The following C1orf105 variants were observed in gnomAD, a reference collection of about 807,000 sequenced individuals.
C1orf105 encodes the protein uncharacterized protein C1orf105.
C1orf105 carries 17 observed loss-of-function variants against 20.8 expected under a neutral mutation model. The observed-to-expected ratio is 0.82, with a 90% CI of 0.56 to 1.23. The LOEUF (loss-of-function observed/expected upper bound fraction) is 1.23. Among genes scored for constraint, C1orf105 ranks in the 50% most tolerant of loss-of-function variants. The pLI, the probability that C1orf105 is intolerant of heterozygous loss-of-function variation, is 0.00. For synonymous variants in C1orf105, 72 were observed against 72.1 expected, an observed-to-expected ratio of 1.00 and a Z score of 0.01; for missense variants, 219 against 213.5, an observed-to-expected ratio of 1.03 and a Z score of -0.16.
At chr1:172,430,371 G>C (rs2071837829) in intron 1 of C1orf105, 1 of 687,548 alleles carries the variant, frequency 1.5e-6, no homozygotes, top group Non-Finnish European at 2.6e-6. Context: ...CAGCAGTTAA[G>C]GGCTCTGGAT....
At chr1:172,465,942 T>C (rs1240459175) in intron 6 of C1orf105, among the ~76,000 whole-genome samples, 1 of 152,202 alleles carries the variant, frequency 6.6e-6, no homozygotes, top group Non-Finnish European at 1.5e-5. Context: ...GAGCCATTAT[T>C]TGGGGTAATA....
At chr1:172,453,898 G>T (rs543920186) in intron 3 of C1orf105, among the ~76,000 whole-genome samples, 1 of 152,272 alleles carries the variant, frequency 6.6e-6, no homozygotes, top group South Asian at 2.1e-4. Flanking sequence ...AAGGCCAGGT[G>T]GGACAATATA....
At chr1:172,464,192 G>A (rs1251988600) in intron 5 of C1orf105, among the ~76,000 whole-genome samples, 1 of 152,216 alleles carries the variant, frequency 6.6e-6, no homozygotes, top group East Asian at 1.9e-4. Context: ...TTGTTGAATT[G>A]TAGAATAGAC....
intron 3 of C1orf105, among the ~76,000 whole-genome samples, chr1:172,452,206 G>A (rs1648730180): frequency 6.6e-6 from 1 of 152,072 alleles, no homozygotes; most frequent in African/African-American, 2.4e-5. Flanking sequence ...CTTCCCCTGA[G>A]GAAACATAAT....
intron 1 of C1orf105, among the ~76,000 whole-genome samples, chr1:172,440,708 G>C (rs1461527136): frequency 3.9e-5 from 6 of 152,110 alleles, no homozygotes; most frequent in Non-Finnish European, 5.9e-5. Flanking sequence ...TTGTGCCCAT[G>C]CTAAGGACAG....
intron 6 of C1orf105, among the ~76,000 whole-genome samples, chr1:172,468,112 A>G (rs1650191737): frequency 6.6e-6 from 1 of 152,096 alleles, no homozygotes; most frequent in African/African-American, 2.4e-5. Flanking sequence ...AACACCAGAC[A>G]TGTTTTATCT....
Position 172,433,801 on chromosome 1 carries a change from A to G in C1orf105, c.22-11272A>G, listed in dbSNP as rs1342154977. Among the ~76,000 whole-genome samples, 4 of 152,372 alleles carry G rather than the reference A, an allele frequency of 2.6e-5. No individual in the cohort carries two copies. In the South Asian group the frequency reaches 6.2e-4, roughly 24 times the overall value. On this transcript the variant is annotated intron_variant, in intron 1 of 6. Coordinates refer to ENST00000367727, the MANE Select transcript of C1orf105 (RefSeq NM_139240.4). Reference sequence around the variant, plus strand: ...TCTAAATGCCCCAATTAAAAGACACAGACTGGCAAATTGGATAAAGAGTCA... The same window carrying G: ...TCTAAATGCCCCAATTAAAAGACACGGACTGGCAAATTGGATAAAGAGTCA...
intron 1 of C1orf105, chr1:172,428,880 C>T (rs536400545): frequency 7.3e-5 from 49 of 674,772 alleles, no homozygotes; most frequent in African/African-American, 6.7e-4. Flanking sequence ...AAGCCACACA[C>T]TATAAAAATC....
chr1:172,464,005 AC>A (rs1649872337), intron 5 of C1orf105, among the ~76,000 whole-genome samples: 1 of 152,226 alleles, frequency 6.6e-6, no homozygotes, highest in South Asian at 2.1e-4. Flanking sequence ...CTGTTTTCAT[AC>A]TTTTTAAGTA....
chr1:172,456,709 T>C (rs1245371524), intron 4 of C1orf105, among the ~76,000 whole-genome samples: 1 of 152,178 alleles, frequency 6.6e-6, no homozygotes, highest in Admixed American at 6.5e-5. Context: ...CCAGGATAGA[T>C]GGGCCAGAGT....
At chr1:172,434,819 T>C (rs1293861593) in intron 1 of C1orf105, among the ~76,000 whole-genome samples, 4 of 152,188 alleles carry the variant, frequency 2.6e-5, no homozygotes, top group African/African-American at 4.8e-5. Context: ...AGCTGGTTTT[T>C]TGAAAAGATC....
At chr1:172,436,296 TA>T (rs1192117015) in intron 1 of C1orf105, among the ~76,000 whole-genome samples, 1 of 151,984 alleles carries the variant, frequency 6.6e-6, no homozygotes, top group Non-Finnish European at 1.5e-5. Context: ...CAATCCTAAG[TA>T]AAAAGAACAA....
At chr1:172,464,800 A>T (rs1350363437) in intron 5 of C1orf105, among the ~76,000 whole-genome samples, 1 of 152,234 alleles carries the variant, frequency 6.6e-6, no homozygotes, top group African/African-American at 2.4e-5. Context: ...GAGAATTAGT[A>T]GTCCTTGGAT....
intron 1 of C1orf105, among the ~76,000 whole-genome samples, chr1:172,429,229 C>T (rs1295954466): frequency 1.0e-3 from 4 of 3,970 alleles, no homozygotes; most frequent in Admixed American, 5.6e-3. Context: ...AATATACACA[C>T]ACACACACAC....
At position 172,430,374 on chromosome 1, in the gene C1orf105, C is replaced by T. The variant is rs1165150739; in HGVS notation, c.21+9468C>T. The T allele has an allele frequency of 3.5e-5, 23 of 657,556 alleles. No homozygotes were observed. The East Asian group carries it at 6.0e-4, about 17-fold the overall frequency. 40.7% of individuals were successfully genotyped at this position (657,556 alleles called of 1,614,324 possible). On this transcript the variant is annotated intron_variant, in intron 1 of 6. Coordinates refer to ENST00000367727, the MANE Select transcript of C1orf105 (RefSeq NM_139240.4). ...TCCTTCTGATGGCAGCAGTTAAGGG[C>T]TCTGGATTGCTTGACATTTTCTTAA...
intron 1 of C1orf105, among the ~76,000 whole-genome samples, chr1:172,434,211 C>G (rs926008857): frequency 1.3e-5 from 2 of 152,182 alleles, no homozygotes; most frequent in Non-Finnish European, 2.9e-5. Context: ...AAAATGTTAA[C>G]AAGGATAACC....
chr1:172,452,887 G>A, intron 3 of C1orf105: 1 of 1,478,968 alleles, frequency 6.8e-7, no homozygotes. Context: ...ATTGTACTGT[G>A]AATGTGGACA....
intron 1 of C1orf105, chr1:172,430,464 C>A (rs1431482821): frequency 1.0e-5 from 6 of 587,964 alleles, no homozygotes; most frequent in Non-Finnish European, 1.8e-5. Flanking sequence ...ATTTTTGAGA[C>A]AGGGTCTTGC....
At position 172,468,594 on chromosome 1, in the gene C1orf105, A is replaced by G. The variant is rs1363440277; in HGVS notation, c.552A>G (p.Ter184TrpextTer39). ...KEPIGKTTRQ[*>W] is the part of the protein sequence containing the mutation. Reference sequence around the variant, plus strand: ...CAATAGGCAAGACAACGAGGCAGTGAGCGGTAGGAGCTCATCACCTCCCAG... The same window carrying G: ...CAATAGGCAAGACAACGAGGCAGTGGGCGGTAGGAGCTCATCACCTCCCAG... The change falls in exon 7 of 7, where the codon TGA (stop) becomes TGG (tryptophan). Residue 184 changes from the stop codon to tryptophan (W), a stop_lost. Coordinates refer to ENST00000367727, the MANE Select transcript of C1orf105 (RefSeq NM_139240.4). 1.2e-5 allele frequency: 20 copies of G among 1,612,654 alleles called. No individual in the cohort carries two copies. Among genetic ancestry groups the G allele is most frequent in the Non-Finnish European group, 1.7e-5 (20 of 1,179,138 alleles).
Sources: allele counts gnomAD v4.1 joint callset (sites outside exome capture counted in the v4.1 genomes callset), GRCh38; gene constraint gnomAD v4.1.1; transcripts MANE v1.5; gene names NCBI Gene and HGNC (gene_info 2026-07-23, HGNC 2026-07-21).